The following PAG1 variants were observed in gnomAD, a reference collection of about 807,000 sequenced individuals.
PAG1 encodes phosphoprotein membrane anchor with glycosphingolipid microdomains 1, also known as phosphoprotein associated with glycosphingolipid-enriched microdomains 1.
Under a neutral mutation model 31.7 loss-of-function variants are expected in PAG1, and 23 were observed. The observed-to-expected ratio is 0.73, with a 90% confidence interval of 0.52 to 1.03. The LOEUF (loss-of-function observed/expected upper bound fraction) is 1.03, where lower values mean the gene tolerates loss of function less well. PAG1 is among the 50% of genes least tolerant of loss of function. PAG1 has a pLI of 0.00. For missense variants in PAG1, 473 were observed against 540.7 expected (o/e 0.87, Z 1.24); for synonymous variants, 214 against 210.3 (o/e 1.02, Z -0.15).
chr8:80,987,506 T>C, intron 5 of PAG1, 40 bp from the exon 6 acceptor site: 1 of 1,388,142 alleles, frequency 7.2e-7, no homozygotes, highest in South Asian at 1.2e-5. Flanking sequence ...TGCATCACAT[T>C]GCTAAGAATC....
chr8:81,087,124 C>A (rs997067775), intron 1 of PAG1, among the ~76,000 whole-genome samples: 9 of 152,266 alleles, frequency 5.9e-5, no homozygotes, highest in East Asian at 1.9e-4. Context: ...GCGGGCGGAT[C>A]CCGAGGTCAG....
intron 2 of PAG1, among the ~76,000 whole-genome samples, chr8:81,055,075 C>CTTTTTTTTTTTTTTTTTTTTTTT: frequency 7.2e-6 from 1 of 138,926 alleles, no homozygotes. Flanking sequence ...CTTTTTTTTT[C>CTTTTTTTTTTTTTTTTTTTTTTT]TTTTTTTTTT....
At chr8:81,018,045 A>G (rs995300060) in intron 3 of PAG1, among the ~76,000 whole-genome samples, 5 of 152,228 alleles carry the variant, frequency 3.3e-5, no homozygotes, top group Non-Finnish European at 5.9e-5. Context: ...ATAAAGGACA[A>G]TGACTGGCTC....
At chr8:81,074,815 T>A (rs1038195452) in intron 1 of PAG1, among the ~76,000 whole-genome samples, 6 of 152,134 alleles carry the variant, frequency 3.9e-5, no homozygotes, top group Non-Finnish European at 7.4e-5. Flanking sequence ...AAAGGGTGAG[T>A]GAATAGCATT....
chr8:81,072,447 A>G (rs1809109444), intron 1 of PAG1, among the ~76,000 whole-genome samples: 1 of 152,244 alleles, frequency 6.6e-6, no homozygotes, highest in Admixed American at 6.5e-5. Context: ...CCTGAGTTGT[A>G]ATAAACAAAA....
chr8:81,025,674 C>T (rs192562569), intron 3 of PAG1, among the ~76,000 whole-genome samples: 17 of 152,216 alleles, frequency 1.1e-4, no homozygotes, highest in Non-Finnish European at 2.4e-4. Context: ...CTACATGCTG[C>T]TCGGGCGTTC....
rs1229152527 is a variant in PAG1 at position 80,976,088 on chromosome 8, T to A, written c.*456A>T. On this transcript the variant is annotated 3_prime_UTR_variant, in exon 9 of 9. Coordinates refer to ENST00000220597, the MANE Select transcript of PAG1 (RefSeq NM_018440.4). ...TTCCTTGGGATGAACCACAGGAATC[T>A]GGACATTTCAAGGGGGAAAAAGCCT... The A allele has an allele frequency of 6.4e-6, 1 of 156,692 alleles. No individual in the cohort carries two copies. Among genetic ancestry groups the A allele is most frequent in the African/African-American group, 2.4e-5 (1 of 41,486 alleles). 9.7% of individuals were successfully genotyped at this position (156,692 alleles called of 1,614,324 possible).
intron 2 of PAG1, among the ~76,000 whole-genome samples, chr8:81,046,789 C>T (rs1167531432): frequency 6.6e-6 from 1 of 152,100 alleles, no homozygotes; most frequent in Admixed American, 6.5e-5. Flanking sequence ...ATACCATCAC[C>T]TAGGTATTAA....
chr8:81,094,753 G>C (rs75826243), intron 1 of PAG1, among the ~76,000 whole-genome samples: 1 of 152,172 alleles, frequency 6.6e-6, no homozygotes, highest in Non-Finnish European at 1.5e-5. Context: ...ATTGAGTCCT[G>C]TATCTGAGAG....
chr8:80,967,851 A>G lies in PAG1; in HGVS notation c.*8693T>C, dbSNP rs79165788. 308 of 152,348 alleles carry G rather than the reference A, an allele frequency of 2.0e-3. No individual in the cohort carries two copies. Among genetic ancestry groups the G allele is most frequent in the African/African-American group, 7.1e-3 (295 of 41,582 alleles). 9.4% of individuals were successfully genotyped at this position (152,348 alleles called of 1,614,324 possible). A position where few individuals can be genotyped will look rare whatever the true frequency, so the allele number is the denominator to read the frequency against. ...TTTTATTACAATTAAAAAAGAACAAAGACAATTTGATAAGTGCCTTTAATT... is the reference window on the plus strand; with the variant it reads ...TTTTATTACAATTAAAAAAGAACAAGGACAATTTGATAAGTGCCTTTAATT... On this transcript the variant is annotated 3_prime_UTR_variant, in exon 9 of 9. Transcript: ENST00000220597.
intron 2 of PAG1, among the ~76,000 whole-genome samples, chr8:81,043,189 G>A (rs1298708676): frequency 6.6e-6 from 1 of 151,894 alleles, no homozygotes; most frequent in Non-Finnish European, 1.5e-5. Context: ...TCGCCCACTG[G>A]TGAAGTCTCA....
intron 2 of PAG1, among the ~76,000 whole-genome samples, chr8:81,041,881 A>G (rs1183967481): frequency 1.3e-5 from 2 of 152,170 alleles, no homozygotes; most frequent in Non-Finnish European, 2.9e-5. Context: ...CATAATATCC[A>G]CAAGTAGTAC....
chr8:81,035,945 A>G (rs1050439166), intron 2 of PAG1, among the ~76,000 whole-genome samples: 2 of 151,814 alleles, frequency 1.3e-5, no homozygotes, highest in African/African-American at 4.8e-5. Context: ...ATATTAACAC[A>G]TGTGTATATA....
intron 2 of PAG1, among the ~76,000 whole-genome samples, chr8:81,055,446 A>ATAAC (rs1216828499): frequency 1.3e-5 from 2 of 152,094 alleles, no homozygotes; most frequent in African/African-American, 4.8e-5. Flanking sequence ...CATCTTAGCA[A>ATAAC]TAACTGATAG....
At position 81,054,549 on chromosome 8, in the gene PAG1, G is replaced by A. The variant is rs527556664; in HGVS notation, c.-175+15563C>T. Among the ~76,000 whole-genome samples the A allele has an allele frequency of 9.1e-4, 139 of 152,144 alleles. No individual in the cohort carries two copies. The Middle Eastern group carries it at 0.01, about 11-fold the overall frequency. On this transcript the variant is annotated intron_variant, in intron 2 of 8. Coordinates refer to ENST00000220597, the MANE Select transcript of PAG1 (RefSeq NM_018440.4). ...AAATTAGCCAGGCGTGGTGGCAGGC[G>A]CCTGTAGTCCCAGCTACTCGGGAGG...
In PAG1 at chr8:81,081,361, T is replaced by A. The variant is rs921156585; in HGVS notation, c.-233-11191A>T. Among the ~76,000 whole-genome samples the A allele has an allele frequency of 2.0e-5, 3 of 152,234 alleles. 1 individual carries two copies. Among genetic ancestry groups the A allele is most frequent in the Admixed American group, 1.3e-4 (2 of 15,262 alleles). ...TTTAAAAGTTATTTTTTAAATTAAA[T>A]TTTAAAATTTTAGATAGTTATAGAT... is the stretch of plus-strand genomic sequence containing the variant. On this transcript the variant is annotated intron_variant, in intron 1 of 8. Coordinates refer to ENST00000220597, the MANE Select transcript of PAG1 (RefSeq NM_018440.4).
chr8:81,081,273 A>G (rs905874189), intron 1 of PAG1, among the ~76,000 whole-genome samples: 5 of 152,102 alleles, frequency 3.3e-5, no homozygotes, highest in African/African-American at 1.2e-4. Flanking sequence ...GAACTTGGAC[A>G]TGCAAAGTTC....
chr8:81,050,671 G>T (rs1397698336), intron 2 of PAG1, among the ~76,000 whole-genome samples: 7 of 152,084 alleles, frequency 4.6e-5, no homozygotes, highest in African/African-American at 1.7e-4. Flanking sequence ...TAAGGCATTT[G>T]GATTCCTTCC....
chr8:81,063,287 A>C (rs1808947559), intron 2 of PAG1, among the ~76,000 whole-genome samples: 1 of 152,190 alleles, frequency 6.6e-6, no homozygotes, highest in African/African-American at 2.4e-5. Context: ...TTTTATTCCT[A>C]AAGTGGCAGG....
Sources: allele counts gnomAD v4.1 joint callset (sites outside exome capture counted in the v4.1 genomes callset), GRCh38; gene constraint gnomAD v4.1.1; transcripts MANE v1.5; gene names NCBI Gene and HGNC (gene_info 2026-07-23, HGNC 2026-07-21).